Variants in COX7A2L observed in about 807,000 individuals in gnomAD.
COX7A2L encodes cytochrome c oxidase subunit 7A2-like, mitochondrial.
COX7A2L carries 18 observed loss-of-function variants against 14.2 expected under a neutral mutation model. The observed-to-expected ratio is 1.27, with a 90% confidence interval of 0.88 to 1.88. The LOEUF is 1.88. Ranked by LOEUF, COX7A2L falls within the 40% of genes most tolerant of loss-of-function variation. The probability of loss-of-function intolerance (pLI) is 0.00; values close to 1 mark genes in which losing one functional copy is unlikely to be tolerated. For synonymous variants in COX7A2L, 65 were observed against 57.4 expected (o/e 1.13, Z -0.60); for missense variants, 179 against 138.8 (o/e 1.29, Z -1.46).
chr2:42,365,947 G>A (rs977754829), upstream of COX7A2L: 5 of 152,184 alleles, frequency 3.3e-5, no homozygotes, highest in African/African-American at 9.7e-5. Context: ...ATTGCTGGGA[G>A]AAATGAGCAA....
chr2:42,344,932 A>G (rs1321255944), downstream of COX7A2L, among the ~76,000 whole-genome samples: 2 of 152,164 alleles, frequency 1.3e-5, no homozygotes, highest in Non-Finnish European at 2.9e-5. Context: ...TGTTAAAATA[A>G]GGTAATTTCA....
At chr2:42,361,431 CTT>C, upstream of COX7A2L, 1 of 393,128 alleles carries the variant, frequency 2.5e-6, no homozygotes. Flanking sequence ...GAAGTTCCCT[CTT>C]TCCCCCATTC....
chr2:42,348,708 G>T (rs1028610589), downstream of COX7A2L, among the ~76,000 whole-genome samples: 1 of 152,184 alleles, frequency 6.6e-6, no homozygotes, highest in African/African-American at 2.4e-5. Flanking sequence ...CATGAGGTCA[G>T]AAAATCGAGA....
At chr2:42,354,232 T>C (rs1009702116) in intron 1 of COX7A2L, among the ~76,000 whole-genome samples, 2 of 152,184 alleles carry the variant, frequency 1.3e-5, no homozygotes, top group African/African-American at 4.8e-5. Context: ...AATGGGCAAC[T>C]TGTATGCTAT....
At chr2:42,364,271 A>AAAAAAAAAAAAAAAAAAAAAC (rs1671116172), upstream of COX7A2L, among the ~76,000 whole-genome samples, 1 of 139,702 alleles carries the variant, frequency 7.2e-6, no homozygotes, top group Non-Finnish European at 1.6e-5. Flanking sequence ...AAAAAAAAAA[A>AAAAAAAAAAAAAAAAAAAAAC]TTGACAGTGG....
intron 1 of COX7A2L, among the ~76,000 whole-genome samples, chr2:42,354,320 C>G (rs1558633050): frequency 6.6e-6 from 1 of 151,824 alleles, no homozygotes; most frequent in African/African-American, 2.4e-5. Flanking sequence ...AGGAATAAAC[C>G]TACAGTGACA....
chr2:42,353,092 T>C, intron 2 of COX7A2L, 120 bp downstream of exon 2: 1 of 1,209,010 alleles, frequency 8.3e-7, no homozygotes, highest in African/African-American at 1.5e-5. Flanking sequence ...ATCAAGAGAA[T>C]ACTACTTAAA....
chr2:42,354,204 C>A (rs1572794609), intron 1 of COX7A2L, among the ~76,000 whole-genome samples: 1 of 151,914 alleles, frequency 6.6e-6, no homozygotes, highest in African/African-American at 2.4e-5. Flanking sequence ...ACTAAAAAAC[C>A]CTAAATTGTA....
intron 2 of COX7A2L, among the ~76,000 whole-genome samples, chr2:42,341,083 T>C (rs1303207834): frequency 3.3e-5 from 5 of 152,000 alleles, no homozygotes; most frequent in African/African-American, 4.8e-5. Flanking sequence ...CCATAATCAA[T>C]GGAGAAAACA....
intron 1 of COX7A2L, among the ~76,000 whole-genome samples, chr2:42,356,648 T>A (rs933475435): frequency 3.3e-5 from 5 of 152,200 alleles, no homozygotes; most frequent in Non-Finnish European, 2.9e-5. Context: ...GTGGACAGGC[T>A]GGGCGTAATG....
At chr2:42,336,302 C>T (rs1177828451) in intron 2 of COX7A2L, among the ~76,000 whole-genome samples, 2 of 152,240 alleles carry the variant, frequency 1.3e-5, no homozygotes, top group East Asian at 3.9e-4. Context: ...AGGAGCCATC[C>T]ATTTGACAGA....
chr2:42,341,372 TC>T (rs1670401402), intron 2 of COX7A2L, among the ~76,000 whole-genome samples: 2 of 152,292 alleles, frequency 1.3e-5, no homozygotes, highest in Admixed American at 6.5e-5. Context: ...CCTGCCCAAG[TC>T]CCACCTGGGC....
chr2:42,344,119 T>C (rs1215641657), intron 2 of COX7A2L, among the ~76,000 whole-genome samples: 1 of 152,244 alleles, frequency 6.6e-6, no homozygotes, highest in Non-Finnish European at 1.5e-5. Flanking sequence ...TATCTAAGCT[T>C]AATACGTAAA....
upstream of COX7A2L, among the ~76,000 whole-genome samples, chr2:42,363,472 C>G (rs1273879434): frequency 5.3e-5 from 8 of 152,184 alleles, no homozygotes; most frequent in African/African-American, 1.9e-4. Flanking sequence ...TTATAAGGTG[C>G]CTGTCAACAC....
intron 2 of COX7A2L, among the ~76,000 whole-genome samples, chr2:42,336,999 T>C (rs1189412705): frequency 1.3e-5 from 2 of 152,186 alleles, no homozygotes; most frequent in African/African-American, 4.8e-5. Context: ...AAAACAAACT[T>C]TGTATATTTT....
intron 2 of COX7A2L, among the ~76,000 whole-genome samples, chr2:42,343,338 C>T (rs1343317466): frequency 1.3e-5 from 2 of 152,206 alleles, no homozygotes; most frequent in Non-Finnish European, 2.9e-5. Flanking sequence ...TGGAGAGACA[C>T]CCTGAAAATG....
Position 42,361,215 on chromosome 2 carries a change from A to G in COX7A2L, c.-54T>C. On this transcript the variant is annotated 5_prime_UTR_variant, in exon 1 of 3. Transcript: ENST00000234301. ...GCTGCCAACGCGACCGCCCCAGAGA[A>G]GGACCCCGCCTCCCCGGCTGTGGTC... 1 of 1,518,784 alleles carries G rather than the reference A, an allele frequency of 6.6e-7. No homozygotes were observed. The highest frequency in any genetic ancestry group is 9.0e-7 in the Non-Finnish European group (1 of 1,116,280). 94.1% of individuals were successfully genotyped at this position (1,518,784 alleles called of 1,614,324 possible). A position where few individuals can be genotyped will look rare whatever the true frequency, so the allele number is the denominator to read the frequency against.
intron 1 of COX7A2L, among the ~76,000 whole-genome samples, chr2:42,355,615 AATCTCATT>A (rs149714706): frequency 0.051 from 7,788 of 151,806 alleles, 271 homozygotes; most frequent in Non-Finnish European, 0.079. Flanking sequence ...AGTTACCTAT[AATCTCATT>A]ATCTCATCCC....
chr2:42,354,571 C>T (rs1670759539), intron 1 of COX7A2L, among the ~76,000 whole-genome samples: 2 of 152,196 alleles, frequency 1.3e-5, no homozygotes, highest in Non-Finnish European at 1.5e-5. Context: ...CTATAATTGA[C>T]AGGGCATATT....
Sources: gnomAD v4.1 joint callset for allele counts (sites outside exome capture counted in the v4.1 genomes callset) on GRCh38, gnomAD v4.1.1 for gene constraint, MANE v1.5 for transcripts, NCBI Gene and HGNC (gene_info 2026-07-23, HGNC 2026-07-21) for gene names.